The following EFCAB11 variants were observed in gnomAD, a reference collection of about 807,000 sequenced individuals.
EFCAB11 encodes the protein EF-hand calcium-binding domain-containing protein 11.
EFCAB11 carries 14 observed loss-of-function variants against 23.0 expected under a neutral mutation model. The observed-to-expected ratio is 0.61, with a 90% CI of 0.40 to 0.95. The LOEUF (loss-of-function observed/expected upper bound fraction) is 0.95. Among genes scored for constraint, EFCAB11 ranks in the 40% least tolerant of loss-of-function variants. The pLI is 0.00. For missense variants in EFCAB11, 198 were observed against 195.8 expected (o/e 1.01, Z -0.07); for synonymous variants, 65 against 66.6 (o/e 0.98, Z 0.11).
intron 5 of EFCAB11, 95 bp downstream of exon 5, chr14:89,931,446 A>G: frequency 8.5e-7 from 1 of 1,173,480 alleles, no homozygotes; most frequent in Non-Finnish European, 1.2e-6. Flanking sequence ...CAGACTCAAA[A>G]ATCAGAATAA....
chr14:89,863,725 T>G (rs1221188147), intron 5 of EFCAB11, among the ~76,000 whole-genome samples: 1 of 152,206 alleles, frequency 6.6e-6, no homozygotes, highest in Non-Finnish European at 1.5e-5. Flanking sequence ...TGTTCATATA[T>G]CTGTGAATAT....
At chr14:89,949,900 A>T (rs953272451) in intron 3 of EFCAB11, among the ~76,000 whole-genome samples, 197 bp downstream of exon 3, 1 of 151,956 alleles carries the variant, frequency 6.6e-6, no homozygotes, top group Non-Finnish European at 1.5e-5. Flanking sequence ...CCCCCTTATA[A>T]AGCCATCAGA....
chr14:89,806,964 A>G (rs1248065573), intron 5 of EFCAB11, among the ~76,000 whole-genome samples: 1 of 152,228 alleles, frequency 6.6e-6, no homozygotes, highest in Non-Finnish European at 1.5e-5. Context: ...TTTATAAGGA[A>G]ACATAAGCAT....
Position 89,849,610 on chromosome 14 carries a change from T to G in EFCAB11, c.411-52286A>C, listed in dbSNP as rs116186421. Among the ~76,000 whole-genome samples, 486 of 150,572 alleles carry G rather than the reference T, an allele frequency of 3.2e-3. 7 individuals carry two copies. Among genetic ancestry groups the G allele is most frequent in the African/African-American group, 0.011 (451 of 41,096 alleles). ...GCTTTTGTAACAAGGAAATCTGTTT[T>G]TTTTTTTTTTTTGGTAAGATACTCT... On this transcript the variant is annotated intron_variant, in intron 5 of 5. Coordinates refer to ENST00000316738, the MANE Select transcript of EFCAB11 (RefSeq NM_145231.4).
At chr14:89,896,252 C>G (rs113026256) in intron 5 of EFCAB11, among the ~76,000 whole-genome samples, 1 of 152,076 alleles carries the variant, frequency 6.6e-6, no homozygotes, top group African/African-American at 2.4e-5. Context: ...GGCGTGGCGG[C>G]GGACCCCTGT....
At chr14:89,861,748 A>G (rs1031685542) in intron 5 of EFCAB11, among the ~76,000 whole-genome samples, 4 of 152,090 alleles carry the variant, frequency 2.6e-5, no homozygotes, top group Admixed American at 1.3e-4. Context: ...AGGAAGAGAG[A>G]CCTGAGCTGA....
At chr14:89,829,463 G>C (rs1319435018) in intron 5 of EFCAB11, among the ~76,000 whole-genome samples, 24 of 152,196 alleles carry the variant, frequency 1.6e-4, no homozygotes, top group Admixed American at 1.6e-3. Context: ...AATAGGCTGT[G>C]TTTGAGAAAG....
chr14:89,798,533 A>C (rs570569394), intron 5 of EFCAB11, among the ~76,000 whole-genome samples: 1 of 152,386 alleles, frequency 6.6e-6, no homozygotes, highest in Admixed American at 6.5e-5. Context: ...ATATTGCCTA[A>C]GTATTTTTTC....
At chr14:89,804,901 A>T (rs1405537976) in intron 5 of EFCAB11, among the ~76,000 whole-genome samples, 1 of 152,206 alleles carries the variant, frequency 6.6e-6, no homozygotes, top group East Asian at 1.9e-4. Flanking sequence ...AATAATATTT[A>T]GTCCATTAAT....
At position 89,884,686 on chromosome 14, in the gene EFCAB11, G is replaced by A. The variant is rs190773660; in HGVS notation, c.410+46855C>T. On this transcript the variant is annotated intron_variant, in intron 5 of 5. Coordinates refer to ENST00000316738, the MANE Select transcript of EFCAB11 (RefSeq NM_145231.4). Reference sequence around the variant, plus strand: ...TATATACTATTACAATTACTAAGACGAAGTACTAGAATAAGTTAACTTTGT... The same window carrying A: ...TATATACTATTACAATTACTAAGACAAAGTACTAGAATAAGTTAACTTTGT... Among the ~76,000 whole-genome samples, 5 of 152,318 alleles carry A rather than the reference G, an allele frequency of 3.3e-5. No individual in the cohort carries two copies. In the East Asian group the frequency reaches 5.8e-4, roughly 18 times the overall value.
In EFCAB11 at chr14:89,870,232, A is replaced by G. The variant is rs535351072; in HGVS notation, c.410+61309T>C. 2.2e-4 allele frequency among the ~76,000 whole-genome samples: 34 copies of G among 152,242 alleles called. No homozygotes were observed. In the East Asian group the frequency reaches 6.6e-3, roughly 29 times the overall value. ...GACATTAAGCTAAAATAATTTTAAA[A>G]TAATCTTAGATTAGGAAAATACCAG... is the stretch of plus-strand genomic sequence containing the variant. On this transcript the variant is annotated intron_variant, in intron 5 of 5. Coordinates refer to ENST00000316738, the MANE Select transcript of EFCAB11 (RefSeq NM_145231.4).
chr14:89,919,277 AAAG>A lies in EFCAB11; in HGVS notation c.410+12261_410+12263del, dbSNP rs147603599. Among the ~76,000 whole-genome samples the A allele has an allele frequency of 6.0e-3, 914 of 152,322 alleles. 9 individuals carry two copies. The highest frequency in any genetic ancestry group is 0.021 in the African/African-American group (884 of 41,570). On this transcript the variant is annotated intron_variant, in intron 5 of 5. Transcript: ENST00000316738. ...TGATGGGGAGGCAGACACATTAAAG[AAAG>A]AAGGCAAGTGGTAAGTAAGCTTCAG...
intron 5 of EFCAB11, chr14:89,924,422 C>A: frequency 7.5e-7 from 1 of 1,332,526 alleles, no homozygotes; most frequent in East Asian, 3.1e-5. Flanking sequence ...TGCACATTCA[C>A]ATTTCATCTC....
chr14:89,954,001 C>T lies in EFCAB11; in HGVS notation c.76G>A (p.Val26Ile). The T allele has an allele frequency of 6.2e-7, 1 of 1,609,604 alleles. No individual in the cohort carries two copies. Among genetic ancestry groups the T allele is most frequent in the Non-Finnish European group, 8.5e-7 (1 of 1,177,440 alleles). Residue 26 changes from valine (V) to isoleucine (I), a missense_variant and splice_region_variant, in exon 2 of 6, where the codon GTA (valine) becomes ATA (isoleucine). Val to Ile is a conservative substitution (Grantham distance 29). Transcript: ENST00000316738. ...SPSEHRKWVE[V>I]FKACDEDHKG... is the part of the protein sequence containing the mutation. ...TGATCTTCATCACATGCTTTAAATA[C>T]CTGAAGAACATTAAATAGCTTTAGT... is the stretch of plus-strand genomic sequence containing the variant.
At chr14:89,863,463 A>G (rs955128298) in intron 5 of EFCAB11, among the ~76,000 whole-genome samples, 1 of 152,196 alleles carries the variant, frequency 6.6e-6, no homozygotes, top group African/African-American at 2.4e-5. Flanking sequence ...AGCCTCTCCC[A>G]TCCTCTGCAG....
At chr14:89,949,048 G>A (rs1414284311) in intron 3 of EFCAB11, among the ~76,000 whole-genome samples, 1 of 152,136 alleles carries the variant, frequency 6.6e-6, no homozygotes, top group Admixed American at 6.5e-5. Flanking sequence ...TCTCCATGAT[G>A]TGACTATTAA....
intron 3 of EFCAB11, among the ~76,000 whole-genome samples, chr14:89,948,475 A>G (rs1891053177): frequency 6.6e-6 from 1 of 152,236 alleles, no homozygotes; most frequent in Admixed American, 6.5e-5. Flanking sequence ...CAGCAATCCC[A>G]CTGCTGGGTA....
chr14:89,883,790 T>C (rs1041851446), intron 5 of EFCAB11, among the ~76,000 whole-genome samples: 2 of 152,208 alleles, frequency 1.3e-5, no homozygotes, highest in African/African-American at 4.8e-5. Flanking sequence ...CAAGTACCTG[T>C]TAGATATAGA....
At chr14:89,930,372 A>G (rs1890347401) in intron 5 of EFCAB11, among the ~76,000 whole-genome samples, 1 of 152,024 alleles carries the variant, frequency 6.6e-6, no homozygotes, top group Admixed American at 6.5e-5. Context: ...CCCAATATCC[A>G]TTCTCTCCCC....
Sources: gnomAD v4.1 joint callset for allele counts (sites outside exome capture counted in the v4.1 genomes callset) on GRCh38, gnomAD v4.1.1 for gene constraint, MANE v1.5 for transcripts, NCBI Gene and HGNC (gene_info 2026-07-23, HGNC 2026-07-21) for gene names.